The following NRG4 variants were observed in gnomAD, a reference collection of about 807,000 sequenced individuals.
The protein encoded by NRG4 is neuregulin 4.
A neutral mutation model predicts 15.0 loss-of-function variants in NRG4; 10 were observed. The ratio of observed to expected loss-of-function variants is 0.67; its 90% confidence interval spans 0.41 to 1.13. NRG4 has a LOEUF of 1.13. NRG4 is among the 50% of genes most tolerant of loss of function. The pLI, the probability that NRG4 is intolerant of heterozygous loss-of-function variation, is 0.00. For missense variants in NRG4, 139 were observed against 140.2 expected, an observed-to-expected ratio of 0.99 and a Z score of 0.04; for synonymous variants, 41 against 50.1, an observed-to-expected ratio of 0.82 and a Z score of 0.77.
intron 3 of NRG4, among the ~76,000 whole-genome samples, chr15:75,990,561 T>G (rs938929011): frequency 6.6e-6 from 1 of 152,126 alleles, no homozygotes; most frequent in Non-Finnish European, 1.5e-5. Flanking sequence ...TCCAATTACT[T>G]CATCAAGGCA....
chr15:76,052,657 G>GA, intron 3 of NRG4, among the ~76,000 whole-genome samples: 1 of 150,936 alleles, frequency 6.6e-6, no homozygotes, highest in African/African-American at 2.5e-5. Flanking sequence ...GAAAGAAGAG[G>GA]AAAAAAAGTA....
intron 5 of NRG4, among the ~76,000 whole-genome samples, chr15:75,947,950 T>C (rs1307351175): frequency 2.6e-5 from 4 of 152,238 alleles, no homozygotes; most frequent in Admixed American, 6.5e-5. Flanking sequence ...GCCATCTGTG[T>C]ATCTTCTTTG....
In NRG4 at chr15:75,961,975, C is replaced by G; in HGVS notation, c.105-1G>C. 6.3e-7 allele frequency: 1 copy of G among 1,597,120 alleles called. No homozygotes were observed. The highest frequency in any genetic ancestry group is 8.5e-7 in the Non-Finnish European group (1 of 1,173,150). On this transcript the variant is annotated splice_acceptor_variant, in intron 3 of 5. Coordinates refer to ENST00000394907, the MANE Select transcript of NRG4 (RefSeq NM_138573.4). LOFTEE classifies it high-confidence loss of function. ...AGCTCCTGTATAGTTTTCAACGCAC[C>G]TACAGAATAAAATTTTAGATAAAGA...
chr15:75,974,377 C>G (rs1368886466), intron 3 of NRG4, among the ~76,000 whole-genome samples: 4 of 152,096 alleles, frequency 2.6e-5, no homozygotes, highest in Non-Finnish European at 5.9e-5. Context: ...CTGTTCTGCT[C>G]TGATCTTAGT....
chr15:75,964,586 A>T (rs2032696613), intron 3 of NRG4, among the ~76,000 whole-genome samples: 4 of 152,232 alleles, frequency 2.6e-5, no homozygotes, highest in Non-Finnish European at 5.9e-5. Context: ...TTTAAAAGCT[A>T]TAAACTCATT....
chr15:76,051,044 C>T (rs956603387), intron 4 of NRG4, among the ~76,000 whole-genome samples: 6 of 148,374 alleles, frequency 4.0e-5, no homozygotes, highest in Admixed American at 1.3e-4. Context: ...CTCGCTCTGT[C>T]GCCCAGGCTG....
At position 75,990,182 on chromosome 15, in the gene NRG4, T is replaced by G. The variant is rs185644057; in HGVS notation, c.104+19018A>C. Among the ~76,000 whole-genome samples the G allele has an allele frequency of 3.3e-3, 500 of 152,336 alleles. 5 individuals carry two copies. Among genetic ancestry groups the G allele is most frequent in the African/African-American group, 0.011 (445 of 41,584 alleles). On this transcript the variant is annotated intron_variant, in intron 3 of 5. Transcript: ENST00000394907. ...GGAGTTTGACACTACACTTGTCTAA[T>G]GTAGCATCTGACAAGATAATCAAAA... is the stretch of plus-strand genomic sequence containing the variant.
At chr15:75,999,174 T>G (rs1414060607) in intron 3 of NRG4, among the ~76,000 whole-genome samples, 2 of 152,228 alleles carry the variant, frequency 1.3e-5, no homozygotes, top group Non-Finnish European at 2.9e-5. Context: ...TATTGAGTAC[T>G]TACTATGTTT....
rs566315380 is a variant in NRG4 at position 76,022,082 on chromosome 15, G to A, written c.-56-10796C>T. On this transcript the variant is annotated intron_variant, in intron 5 of 8. Coordinates refer to the NRG4 transcript ENST00000563910. ...ATAGGAGGCGGAGCACAGGCCATGA[G>A]GCTTGCTTGCCTGCTGCTCACCTGC... Among the ~76,000 whole-genome samples the A allele has an allele frequency of 6.6e-5, 10 of 152,224 alleles. 1 individual carries two copies. The South Asian group carries it at 2.1e-3, about 32-fold the overall frequency.
At chr15:75,961,490 G>A (rs371717232) in intron 4 of NRG4, among the ~76,000 whole-genome samples, 29 of 152,090 alleles carry the variant, frequency 1.9e-4, no homozygotes, top group African/African-American at 2.4e-4. Context: ...ACAGTATTGC[G>A]TAAGTTGTTC....
chr15:75,960,183 T>G (rs927283843), intron 4 of NRG4, among the ~76,000 whole-genome samples: 2 of 152,190 alleles, frequency 1.3e-5, no homozygotes, highest in African/African-American at 4.8e-5. Flanking sequence ...AGATGGAAAC[T>G]ATATCTCCAA....
intron 5 of NRG4, among the ~76,000 whole-genome samples, chr15:75,952,200 AAAAG>A (rs1430488767): frequency 2.0e-5 from 3 of 152,270 alleles, no homozygotes; most frequent in Non-Finnish European, 4.4e-5. Flanking sequence ...TTCATTCCCA[AAAAG>A]AAAGCCCACA....
chr15:75,946,078 C>T (rs2031486276), intron 5 of NRG4, among the ~76,000 whole-genome samples: 1 of 152,168 alleles, frequency 6.6e-6, no homozygotes, highest in African/African-American at 2.4e-5. Context: ...GAGATGGCTA[C>T]TAAGTAGCTA....
chr15:75,951,171 T>TC (rs2031874808), intron 5 of NRG4: 1 of 133,880 alleles, frequency 7.5e-6, no homozygotes, highest in African/African-American at 2.8e-5. Flanking sequence ...TTCTTTTTTT[T>TC]TTTTTTTTTT....
chr15:76,014,414 T>G (rs1213427256), upstream of NRG4, among the ~76,000 whole-genome samples: 1 of 152,262 alleles, frequency 6.6e-6, no homozygotes, highest in African/African-American at 2.4e-5. Flanking sequence ...ACGAAGTCTT[T>G]GCCCATATCT....
At chr15:76,027,573 A>C (rs1013047751) in intron 5 of NRG4, among the ~76,000 whole-genome samples, 18 of 152,152 alleles carry the variant, frequency 1.2e-4, no homozygotes, top group Non-Finnish European at 4.4e-5. Context: ...GATTTAAGGG[A>C]GAGACAGACT....
At chr15:75,964,877 G>GC (rs1194732449) in intron 3 of NRG4, among the ~76,000 whole-genome samples, 1 of 151,912 alleles carries the variant, frequency 6.6e-6, no homozygotes, top group Non-Finnish European at 1.5e-5. Context: ...AGCCCTGATT[G>GC]CACCACTGCA....
chr15:76,009,530 C>T (rs972891845), intron 2 of NRG4, among the ~76,000 whole-genome samples: 21 of 151,926 alleles, frequency 1.4e-4, no homozygotes, highest in African/African-American at 5.1e-4. Context: ...TGGGTTTAGA[C>T]ATTATATAAC....
chr15:76,014,264 T>C (rs2034906610), upstream of NRG4, among the ~76,000 whole-genome samples: 1 of 152,212 alleles, frequency 6.6e-6, no homozygotes, highest in Non-Finnish European at 1.5e-5. Context: ...GATGAATAGA[T>C]TGCAAAAATT....
Sources: gnomAD v4.1 joint callset for allele counts (sites outside exome capture counted in the v4.1 genomes callset) on GRCh38, gnomAD v4.1.1 for gene constraint, MANE v1.5 for transcripts, NCBI Gene and HGNC (gene_info 2026-07-23, HGNC 2026-07-21) for gene names.